Variants in GALNT13 observed in about 807,000 individuals in gnomAD.
GALNT13 encodes the protein UDP-GalNAc:polypeptide N-acetylgalactosaminyltransferase 13.
GALNT13 carries 28 observed loss-of-function variants against 64.2 expected under a neutral mutation model. The ratio of observed to expected loss-of-function variants is 0.44; its 90% CI spans 0.32 to 0.60. The LOEUF is 0.60. Among genes scored for constraint, GALNT13 ranks in the 20% least tolerant of loss-of-function variants. The probability of loss-of-function intolerance (pLI) is 0.05; values close to 1 mark genes in which losing one functional copy is unlikely to be tolerated. For synonymous variants in GALNT13, 214 were observed against 224.6 expected (o/e 0.95, Z 0.42); for missense variants, 577 against 669.8 (o/e 0.86, Z 1.53).
the GALNT13 span, among the ~76,000 whole-genome samples, chr2:153,182,982 G>A: frequency 6.6e-6 from 1 of 152,074 alleles, no homozygotes; most frequent in Middle Eastern, 3.2e-3. Context: ...TATTCCTTGG[G>A]GCATATACCC....
chr2:153,299,073 T>C, the GALNT13 span, among the ~76,000 whole-genome samples: 6 of 152,184 alleles, frequency 3.9e-5, no homozygotes, highest in Admixed American at 3.9e-4. Context: ...CCAAAAAATA[T>C]AATGCAATCC....
intron 8 of GALNT13, chr2:154,287,057 G>C: frequency 1.4e-6 from 1 of 705,104 alleles, no homozygotes; most frequent in South Asian, 1.4e-5. Flanking sequence ...GACCTTACAG[G>C]TCATCTTTGG....
At chr2:153,181,026 G>GTTTTTT in the GALNT13 span, among the ~76,000 whole-genome samples, 2 of 24,780 alleles carry the variant, frequency 8.1e-5, no homozygotes, top group African/African-American at 1.7e-4. Flanking sequence ...GGTTTTTATT[G>GTTTTTT]TTTCTTTTTT....
intron 4 of GALNT13, among the ~76,000 whole-genome samples, chr2:154,147,922 T>G (rs1037942390): frequency 1.3e-5 from 2 of 151,866 alleles, no homozygotes; most frequent in Non-Finnish European, 2.9e-5. Context: ...ATTTTTTATT[T>G]TTATTATTAT....
chr2:153,239,317 C>G, the GALNT13 span, among the ~76,000 whole-genome samples: 2 of 152,034 alleles, frequency 1.3e-5, no homozygotes, highest in Non-Finnish European at 2.9e-5. Flanking sequence ...CCAATTTGGA[C>G]GTGCTTTATT....
the GALNT13 span, chr2:153,356,541 CA>C: frequency 6.6e-6 from 1 of 152,126 alleles, no homozygotes; most frequent in East Asian, 1.9e-4. Context: ...CCTAGTGCTG[CA>C]GAAATGAGAG....
At chr2:153,862,640 A>G in the GALNT13 span, among the ~76,000 whole-genome samples, 2 of 151,994 alleles carry the variant, frequency 1.3e-5, no homozygotes, top group African/African-American at 4.8e-5. Flanking sequence ...AAATTTTAAT[A>G]CTATTCTTAT....
chr2:153,721,652 G>C, the GALNT13 span, among the ~76,000 whole-genome samples: 3 of 150,666 alleles, frequency 2.0e-5, no homozygotes, highest in Non-Finnish European at 4.4e-5. Context: ...AAAGGCAGGG[G>C]TTGCAATCCT....
At chr2:153,321,990 G>GTGTGTGTGTA in the GALNT13 span, among the ~76,000 whole-genome samples, 4 of 151,766 alleles carry the variant, frequency 2.6e-5, no homozygotes, top group Non-Finnish European at 1.5e-5. Flanking sequence ...GTGTGTGTGT[G>GTGTGTGTGTA]TGTGTGTGTA....
At chr2:153,965,309 T>C (rs1330137609) in intron 3 of GALNT13, among the ~76,000 whole-genome samples, 1 of 152,156 alleles carries the variant, frequency 6.6e-6, no homozygotes, top group Non-Finnish European at 1.5e-5. Context: ...CAAAAGTGTA[T>C]TTTTGTACTC....
At chr2:153,675,016 G>T in the GALNT13 span, among the ~76,000 whole-genome samples, 234 of 152,330 alleles carry the variant, frequency 1.5e-3, no homozygotes, top group Admixed American at 1.8e-3. Context: ...ATGCAAGTTA[G>T]AATGGTGATC....
chr2:154,295,644 A>T (rs1692880518), intron 8 of GALNT13, among the ~76,000 whole-genome samples: 2 of 152,100 alleles, frequency 1.3e-5, no homozygotes, highest in Admixed American at 1.3e-4. Flanking sequence ...AAGTGCTAGG[A>T]TTACAGGTGT....
chr2:153,196,412 G>A, the GALNT13 span, among the ~76,000 whole-genome samples: 1 of 152,170 alleles, frequency 6.6e-6, no homozygotes, highest in South Asian at 2.1e-4. Context: ...ACACCTGGCT[G>A]GGCAGTGACA....
the GALNT13 span, among the ~76,000 whole-genome samples, chr2:153,200,786 A>G: frequency 6.6e-6 from 1 of 152,228 alleles, no homozygotes; most frequent in African/African-American, 2.4e-5. Flanking sequence ...GTGAGTCAAC[A>G]TAGTTAAATT....
chr2:154,215,021 A>G lies in GALNT13; in HGVS notation c.312-27009A>G, dbSNP rs143405576. On this transcript the variant is annotated intron_variant, in intron 4 of 12. Transcript: ENST00000392825. Reference sequence around the variant, plus strand: ...TTTCAGAGGTATTGCTGAGCTGTGTAGTATATGTAAGCCAAAAGTTTCTGG... The same window carrying G: ...TTTCAGAGGTATTGCTGAGCTGTGTGGTATATGTAAGCCAAAAGTTTCTGG... 2.8e-3 allele frequency among the ~76,000 whole-genome samples: 431 copies of G among 152,308 alleles called. 3 individuals carry two copies. The highest frequency in any genetic ancestry group is 0.01 in the African/African-American group (427 of 41,580).
rs548679052 is a variant in GALNT13, at chr2:154,028,125, T to G, written c.142+83486T>G. Among the ~76,000 whole-genome samples, 15 of 152,262 alleles carry G rather than the reference T, an allele frequency of 9.9e-5. No individual in the cohort carries two copies. The South Asian group carries it at 2.3e-3, about 23-fold the overall frequency. On this transcript the variant is annotated intron_variant, in intron 3 of 12. Transcript: ENST00000392825. Reference sequence around the variant, plus strand: ...GAACCTACTAGCGTGTGAGGGCATTTAGCATACTGATAGTGATATGAACTA... The same window carrying G: ...GAACCTACTAGCGTGTGAGGGCATTGAGCATACTGATAGTGATATGAACTA...
chr2:153,373,559 A>C, the GALNT13 span, among the ~76,000 whole-genome samples: 15 of 152,156 alleles, frequency 9.9e-5, no homozygotes, highest in African/African-American at 2.4e-5. Context: ...AAATGCATAC[A>C]TTTGCAAAGC....
At chr2:154,129,202 A>C (rs962633993) in intron 3 of GALNT13, among the ~76,000 whole-genome samples, 1 of 152,132 alleles carries the variant, frequency 6.6e-6, no homozygotes, top group Non-Finnish European at 1.5e-5. Context: ...CCGCCATCCC[A>C]ATTACCACAC....
the GALNT13 span, among the ~76,000 whole-genome samples, chr2:153,261,223 T>C: frequency 6.6e-6 from 1 of 152,188 alleles, no homozygotes. Context: ...TTTAATTCAT[T>C]GGGTGAGATT....
Sources: allele counts gnomAD v4.1 joint callset (sites outside exome capture counted in the v4.1 genomes callset), GRCh38; gene constraint gnomAD v4.1.1; transcripts MANE v1.5; gene names NCBI Gene and HGNC (gene_info 2026-07-23, HGNC 2026-07-21).